Variants in SV2B observed in about 807,000 individuals in gnomAD.
The protein encoded by SV2B is synaptic vesicle glycoprotein 2B.
In SV2B, 41 loss-of-function variants were observed where a neutral mutation model predicts 73.9. The ratio of observed to expected loss-of-function variants is 0.56; its 90% CI spans 0.43 to 0.72. The LOEUF is 0.72. Ranked by LOEUF, SV2B falls within the 30% of genes least tolerant of loss-of-function variation. SV2B has a pLI of 0.00. For synonymous variants in SV2B, 314 were observed against 314.2 expected, an observed-to-expected ratio of 1.00 and a Z score of 0.01; for missense variants, 764 against 857.8, an observed-to-expected ratio of 0.89 and a Z score of 1.37.
chr15:91,277,180 T>G (rs1322133959), intron 9 of SV2B, among the ~76,000 whole-genome samples: 1 of 152,202 alleles, frequency 6.6e-6, no homozygotes, highest in Non-Finnish European at 1.5e-5. Context: ...AGTCAGATGT[T>G]TTGTATGACA....
chr15:91,273,308 A>G (rs1040427495), intron 9 of SV2B, among the ~76,000 whole-genome samples: 2 of 152,202 alleles, frequency 1.3e-5, no homozygotes, highest in Non-Finnish European at 2.9e-5. Context: ...ACCTAGGCAA[A>G]TCTGTGACCT....
intron 1 of SV2B, among the ~76,000 whole-genome samples, chr15:91,221,155 C>T (rs537368645): frequency 6.6e-6 from 1 of 152,150 alleles, no homozygotes; most frequent in African/African-American, 2.4e-5. Flanking sequence ...TGTGAGCCCT[C>T]ATGCCCAGAC....
At chr15:91,185,855 A>C (rs1447189924) in intron 1 of SV2B, among the ~76,000 whole-genome samples, 1 of 152,028 alleles carries the variant, frequency 6.6e-6, no homozygotes, top group Non-Finnish European at 1.5e-5. Context: ...TTGTGGACTA[A>C]CTCCTGGTCC....
chr15:91,127,931 A>G (rs1279309974), intron 1 of SV2B, among the ~76,000 whole-genome samples: 1 of 152,240 alleles, frequency 6.6e-6, no homozygotes, highest in East Asian at 1.9e-4. Context: ...TTAAAGTGAC[A>G]TGCATTTTAT....
chr15:91,183,368 C>T (rs1336905377), intron 1 of SV2B, among the ~76,000 whole-genome samples: 1 of 152,160 alleles, frequency 6.6e-6, no homozygotes. Context: ...AAATGATTGA[C>T]CAATTGACCA....
Position 91,296,173 on chromosome 15 carries a change from A to C in SV2B, c.*3621A>C, listed in dbSNP as rs1459738640. On this transcript the variant is annotated 3_prime_UTR_variant, in exon 13 of 13. Transcript: ENST00000394232. Reference sequence around the variant, plus strand: ...CAGAAAGGGTTACATGGAAGAAGAGATAGGGGCCAGGAATGCAAGAGGGAC... The same window carrying C: ...CAGAAAGGGTTACATGGAAGAAGAGCTAGGGGCCAGGAATGCAAGAGGGAC... The C allele has an allele frequency of 6.6e-6, 1 of 152,076 alleles. No homozygotes were observed. The highest frequency in any genetic ancestry group is 6.6e-5 in the Admixed American group (1 of 15,264). The allele number at this position is 152,076 out of a possible 1,614,324, so 9.4% of individuals were successfully genotyped here. A position where few individuals can be genotyped will look rare whatever the true frequency, so the allele number is the denominator to read the frequency against.
At position 91,232,376 on chromosome 15, in the gene SV2B, T is replaced by G. The variant is rs2046611009; in HGVS notation, c.451+5662T>G. Among the ~76,000 whole-genome samples, 1 of 152,222 alleles carries G rather than the reference T, an allele frequency of 6.6e-6. No individual in the cohort carries two copies. Among genetic ancestry groups the G allele is most frequent in the Non-Finnish European group, 1.5e-5 (1 of 68,022 alleles). On this transcript the variant is annotated intron_variant, in intron 2 of 12. Transcript: ENST00000394232. This position sits in a 1 kb window ranked among gnomAD's most constrained non-coding sequence, Gnocchi z 4.7. ...AACCATCAGAAGAAATAGAATAGAC[T>G]TAAAATGAAGGGCTCCCTTAGCAGA...
chr15:91,130,696 G>A lies in SV2B; in HGVS notation c.-392+30333G>A, dbSNP rs753899734. Among the ~76,000 whole-genome samples, 142 of 152,256 alleles carry A rather than the reference G, an allele frequency of 9.3e-4. No homozygotes were observed. The highest frequency in any genetic ancestry group is 3.4e-3 in the Middle Eastern group (1 of 294). On this transcript the variant is annotated intron_variant, in intron 1 of 12. Transcript: ENST00000394232. The surrounding 1 kb of genome is among the most constrained non-coding windows in gnomAD (Gnocchi z 5.6). Reference sequence around the variant, plus strand: ...CTTGCAGACATACTGCCTGCATGGAGGTGAGAAGAAGAGCTGCAGTCCTGG... The same window carrying A: ...CTTGCAGACATACTGCCTGCATGGAAGTGAGAAGAAGAGCTGCAGTCCTGG...
intron 1 of SV2B, among the ~76,000 whole-genome samples, chr15:91,166,724 T>C (rs978110404): frequency 3.3e-5 from 5 of 152,110 alleles, no homozygotes; most frequent in African/African-American, 9.6e-5. Context: ...TCCTGAGTCA[T>C]GTTTATTCCT....
rs866665631 is a variant in SV2B at position 91,242,477 on chromosome 15, G to A, written c.452-9342G>A. ...TGGTGGCCTGCTAACTGATCTTTAC[G>A]ATTCCACCTGTTGGAGGGAGAGGCT... On this transcript the variant is annotated intron_variant, in intron 2 of 12. Coordinates refer to ENST00000394232, the MANE Select transcript of SV2B (RefSeq NM_001323032.3). This position sits in a 1 kb window ranked among gnomAD's most constrained non-coding sequence, Gnocchi z 4.9. Among the ~76,000 whole-genome samples the A allele has an allele frequency of 6.6e-6, 1 of 152,254 alleles. No individual in the cohort carries two copies. The highest frequency in any genetic ancestry group is 1.9e-4 in the East Asian group (1 of 5,182).
intron 2 of SV2B, among the ~76,000 whole-genome samples, chr15:91,235,356 T>C: frequency 6.6e-6 from 1 of 152,216 alleles, no homozygotes; most frequent in Admixed American, 6.5e-5. Flanking sequence ...TTTATTATAA[T>C]ACAGTCGGTG....
chr15:91,134,117 G>A (rs189997540), intron 1 of SV2B, among the ~76,000 whole-genome samples: 1,503 of 149,140 alleles, frequency 0.01, 18 homozygotes, highest in African/African-American at 0.036. Context: ...TCCTGCCTCA[G>A]CCTCCCAAGT....
rs1299425665 is a variant in SV2B at position 91,302,467 on chromosome 15, G to T, written c.*9915G>T. On this transcript the variant is annotated 3_prime_UTR_variant, in exon 13 of 13. Coordinates refer to ENST00000394232, the MANE Select transcript of SV2B (RefSeq NM_001323032.3). ...TTGCTAACTGGTATGGAAGCATTTC[G>T]GTATTTTAACAAGTATGAAAGTAGC... 6.6e-6 allele frequency among the ~76,000 whole-genome samples: 1 copy of T among 152,068 alleles called. No individual in the cohort carries two copies.
chr15:91,125,956 T>C (rs917333385), intron 1 of SV2B, among the ~76,000 whole-genome samples: 8 of 151,854 alleles, frequency 5.3e-5, no homozygotes, highest in Non-Finnish European at 7.4e-5. Context: ...ATGATGATAG[T>C]TGATGTTTGT....
At chr15:91,211,374 T>C (rs779956685) in intron 1 of SV2B, among the ~76,000 whole-genome samples, 7 of 152,228 alleles carry the variant, frequency 4.6e-5, no homozygotes, top group Non-Finnish European at 1.0e-4. Context: ...ATGATAGCCA[T>C]GGCAGTCTTC....
rs995420456 is a variant in SV2B at position 91,290,425 on chromosome 15, G to A, written c.1868+745G>A. ...CCCCTCTCATTTGAATCAAAGAACTGCTAAGTTTTACACAAAATAACAGGA... is the reference window on the plus strand; with the variant it reads ...CCCCTCTCATTTGAATCAAAGAACTACTAAGTTTTACACAAAATAACAGGA... On this transcript the variant is annotated intron_variant, in intron 12 of 12. Transcript: ENST00000394232. The surrounding 1 kb of genome is among the most constrained non-coding windows in gnomAD (Gnocchi z 4.7). Among the ~76,000 whole-genome samples the A allele has an allele frequency of 2.0e-4, 30 of 152,150 alleles. No homozygotes were observed. The highest frequency in any genetic ancestry group is 7.0e-4 in the African/African-American group (29 of 41,436).
At chr15:91,218,688 A>C (rs2046115499) in intron 1 of SV2B, among the ~76,000 whole-genome samples, 2 of 152,166 alleles carry the variant, frequency 1.3e-5, no homozygotes, top group South Asian at 4.1e-4. Context: ...GGAGTACCCA[A>C]GGGTATCCAG....
At position 91,292,891 on chromosome 15, in the gene SV2B, T is replaced by C. The variant is rs147346196; in HGVS notation, c.*339T>C. On this transcript the variant is annotated 3_prime_UTR_variant, in exon 13 of 13. Transcript: ENST00000394232. ...CAAGTGCAAGGACTTAACTTGCGTT[T>C]GAAAAGGAATTAGAGGGTCAGAAAC... is the stretch of plus-strand genomic sequence containing the variant. The C allele has an allele frequency of 0.038, 6,943 of 181,238 alleles. 397 individuals are homozygous for C. The highest frequency in any genetic ancestry group is 0.13 in the African/African-American group (5,424 of 42,886). 11.2% of individuals were successfully genotyped at this position (181,238 alleles called of 1,614,324 possible). A position where few individuals can be genotyped will look rare whatever the true frequency, so the allele number is the denominator to read the frequency against.
At chr15:91,273,890 G>A (rs890135081) in intron 9 of SV2B, among the ~76,000 whole-genome samples, 1 of 152,146 alleles carries the variant, frequency 6.6e-6, no homozygotes, top group East Asian at 1.9e-4. Flanking sequence ...ATATACATGT[G>A]TATCATAAAC....
Sources: allele counts gnomAD v4.1 joint callset (sites outside exome capture counted in the v4.1 genomes callset), GRCh38; gene constraint gnomAD v4.1.1; non-coding constraint Gnocchi (gnomAD v3.1); transcripts MANE v1.5; gene names NCBI Gene and HGNC (gene_info 2026-07-23, HGNC 2026-07-21).